Variants in ALDH3A2 observed in about 807,000 individuals in gnomAD.
ALDH3A2 encodes aldehyde dehydrogenase 3 family member A2, also known as aldehyde dehydrogenase family 3 member A2.
Under a neutral mutation model 51.3 loss-of-function variants are expected in ALDH3A2, and 36 were observed. The observed-to-expected ratio is 0.70, with a 90% CI of 0.54 to 0.93. The LOEUF (loss-of-function observed/expected upper bound fraction) is 0.93, where lower values mean the gene tolerates loss of function less well. Ranked by LOEUF, ALDH3A2 falls within the 40% of genes least tolerant of loss-of-function variation. The pLI is 0.00. For synonymous variants in ALDH3A2, 199 were observed against 219.8 expected, an observed-to-expected ratio of 0.91 and a Z score of 0.84; for missense variants, 552 against 603.1, an observed-to-expected ratio of 0.92 and a Z score of 0.89.
In ALDH3A2 at chr17:19,654,662, C is replaced by T. The variant is rs763438056; in HGVS notation, c.472-1704C>T. On this transcript the variant is annotated intron_variant, in intron 3 of 9. Coordinates refer to ENST00000176643, the MANE Select transcript of ALDH3A2 (RefSeq NM_000382.3). The surrounding 1 kb of genome is among the most constrained non-coding windows in gnomAD (Gnocchi z 4.5). ...CCCAGAACTCGCTCTGGCTTGTGAG[C>T]GCCACGCGCAGCCCCGGTTCCTGCC... 2.6e-5 allele frequency among the ~76,000 whole-genome samples: 4 copies of T among 152,048 alleles called. No homozygotes were observed. The highest frequency in any genetic ancestry group is 6.5e-5 in the Admixed American group (1 of 15,272).
chr17:19,673,156 C>G (rs1437995349), intron 9 of ALDH3A2: 1 of 1,614,140 alleles, frequency 6.2e-7, no homozygotes, highest in Non-Finnish European at 8.5e-7. Flanking sequence ...CTCAGAAATA[C>G]CAAGCTGTGC....
intron 3 of ALDH3A2, among the ~76,000 whole-genome samples, chr17:19,653,800 G>C (rs1281959107): frequency 1.3e-5 from 2 of 152,194 alleles, no homozygotes; most frequent in African/African-American, 4.8e-5. Context: ...GGCTTGGGCA[G>C]CCTGCTTTTA....
chr17:19,656,305 C>T, intron 3 of ALDH3A2, 61 bp from the exon 4 acceptor site: 3 of 1,377,088 alleles, frequency 2.2e-6, no homozygotes, highest in Admixed American at 1.7e-5. Context: ...GAAGAGATTG[C>T]TGATGTTAGA....
At chr17:19,660,049 G>C (rs2084947506) in intron 5 of ALDH3A2, among the ~76,000 whole-genome samples, 1 of 152,034 alleles carries the variant, frequency 6.6e-6, no homozygotes, top group Non-Finnish European at 1.5e-5. Flanking sequence ...TGGGAAGAGA[G>C]AGTGGTTAAA....
At chr17:19,650,002 CTT>C (rs1405007717) in intron 1 of ALDH3A2, 2 of 152,802 alleles carry the variant, frequency 1.3e-5, no homozygotes, top group Non-Finnish European at 2.9e-5. Context: ...ACCTCCATCT[CTT>C]GGGTTCAAGC....
In ALDH3A2 at chr17:19,652,631, AG is replaced by A. The variant is rs786204741; in HGVS notation, c.471+1del. ...AAGCTTCTCCCTCAGTATTTAGACC[AG>A]GTAAGAATTTCTTGACTCATCTCCA... Reference protein sequence around the residue: ...LAKLLPQYLDQDLYIVINGGV... With the variant: ...LAKLLPQYLDXDLYIVINGGV... On this transcript the variant is annotated frameshift_variant and splice_region_variant, in exon 3 of 10. Coordinates refer to ENST00000176643, the MANE Select transcript of ALDH3A2 (RefSeq NM_000382.3). LOFTEE classifies it high-confidence loss of function. 12 of 1,610,838 alleles carry A rather than the reference AG, an allele frequency of 7.4e-6. No individual in the cohort carries two copies. Among genetic ancestry groups the A allele is most frequent in the Non-Finnish European group, 1.0e-5 (12 of 1,177,100 alleles).
At chr17:19,655,839 G>A (rs2084887076) in intron 3 of ALDH3A2, among the ~76,000 whole-genome samples, 2 of 152,262 alleles carry the variant, frequency 1.3e-5, no homozygotes, top group African/African-American at 4.8e-5. Context: ...TCAGTAGCTT[G>A]CCTAAGGTTG....
At chr17:19,675,337 CTTATTG>C (rs2085172969) in intron 9 of ALDH3A2, 4 of 597,006 alleles carry the variant, frequency 6.7e-6, no homozygotes, top group South Asian at 2.1e-5. Context: ...TTGTCTTACT[CTTATTG>C]TTATTGTTGT....
chr17:19,672,343 T>G, intron 9 of ALDH3A2: 1 of 240,438 alleles, frequency 4.2e-6, no homozygotes. Flanking sequence ...GTATTGGACT[T>G]TCCTTGTCAC....
At chr17:19,649,442 T>C (rs2084783974) in intron 1 of ALDH3A2, 2 of 318,344 alleles carry the variant, frequency 6.3e-6, no homozygotes, top group Non-Finnish European at 1.2e-5. Context: ...AAGTAATTTG[T>C]CAGTTTACTG....
chr17:19,663,231 A>G, intron 6 of ALDH3A2, 102 bp from the exon 7 acceptor site: 1 of 1,348,750 alleles, frequency 7.4e-7, no homozygotes, highest in Non-Finnish European at 1.1e-6. Context: ...CTTGGGTGGG[A>G]GAGGGAAAGG....
intron 3 of ALDH3A2, among the ~76,000 whole-genome samples, chr17:19,652,906 G>A (rs2084836753): frequency 6.6e-6 from 1 of 152,104 alleles, no homozygotes; most frequent in Non-Finnish European, 1.5e-5. Flanking sequence ...GTTAATTTTT[G>A]AGCTAACATG....
intron 6 of ALDH3A2, among the ~76,000 whole-genome samples, chr17:19,661,760 T>A (rs995816213): frequency 1.3e-5 from 2 of 151,392 alleles, no homozygotes; most frequent in Admixed American, 6.6e-5. Flanking sequence ...TTTTCTACAG[T>A]AACATATAAG....
intron 1 of ALDH3A2, 27 bp from the exon 2 acceptor site, chr17:19,651,520 A>G (rs369009682): frequency 8.9e-6 from 14 of 1,578,858 alleles, no homozygotes; most frequent in South Asian, 6.7e-5. Flanking sequence ...TTACTCTGCA[A>G]GATTAACTGT....
chr17:19,672,327 C>G (rs990967332), intron 9 of ALDH3A2: 1 of 271,576 alleles, frequency 3.7e-6, no homozygotes, highest in South Asian at 5.2e-5. Flanking sequence ...CCCTTTGATC[C>G]TTTTGGTATT....
chr17:19,662,502 A>G (rs570824813), intron 6 of ALDH3A2, among the ~76,000 whole-genome samples: 143 of 152,310 alleles, frequency 9.4e-4, no homozygotes, highest in Non-Finnish European at 1.9e-3. Flanking sequence ...TCTTACTTAC[A>G]GCATCTTTTG....
chr17:19,671,672 C>T (rs546496080), intron 8 of ALDH3A2, 49 bp from the exon 9 acceptor site: 1 of 1,520,078 alleles, frequency 6.6e-7, no homozygotes, highest in Non-Finnish European at 9.1e-7. Flanking sequence ...ACAGAAGTAG[C>T]TTGCATCATC....
chr17:19,651,643 G>A lies in ALDH3A2; in HGVS notation c.250G>A (p.Val84Ile). Residue 84 changes from valine to isoleucine, a missense_variant, in exon 2 of 10, where the codon GTT becomes ATT. Coordinates refer to ENST00000176643, the MANE Select transcript of ALDH3A2 (RefSeq NM_000382.3). Reference protein sequence around the residue: ...NLPEWVTAKPVKKNVLTMLDE... With the variant: ...NLPEWVTAKPIKKNVLTMLDE... ...TCCTGAATGGGTTACTGCTAAACCAGTTAAGAAGAACGTGCTCACCATGCT... is the reference window on the plus strand; with the variant it reads ...TCCTGAATGGGTTACTGCTAAACCAATTAAGAAGAACGTGCTCACCATGCT... 1 of 1,614,214 alleles carries A rather than the reference G, an allele frequency of 6.2e-7. No homozygotes were observed. The highest frequency in any genetic ancestry group is 1.7e-5 in the Admixed American group (1 of 60,028).
intron 4 of ALDH3A2, among the ~76,000 whole-genome samples, chr17:19,656,942 G>T (rs1046396771): frequency 1.3e-5 from 2 of 152,194 alleles, no homozygotes; most frequent in African/African-American, 2.4e-5. Flanking sequence ...CCATTTGAGA[G>T]GGTATTATGC....
Sources: allele counts gnomAD v4.1 joint callset (sites outside exome capture counted in the v4.1 genomes callset), GRCh38; gene constraint gnomAD v4.1.1; non-coding constraint Gnocchi (gnomAD v3.1); transcripts MANE v1.5; gene names NCBI Gene and HGNC (gene_info 2026-07-23, HGNC 2026-07-21).